The following RAB3IP variants were observed in gnomAD, a reference collection of about 807,000 sequenced individuals.
The protein encoded by RAB3IP is RAB3A interacting protein, also known as rab-3A-interacting protein.
RAB3IP carries 36 observed loss-of-function variants against 59.1 expected under a neutral mutation model. That is an observed-to-expected ratio of 0.61 (90% CI 0.47 to 0.80). The LOEUF (loss-of-function observed/expected upper bound fraction) is 0.80, where lower values mean the gene tolerates loss of function less well. Ranked by LOEUF, RAB3IP falls within the 30% of genes least tolerant of loss-of-function variation. The pLI is 0.00. For synonymous variants in RAB3IP, 207 were observed against 191.2 expected, an observed-to-expected ratio of 1.08 and a Z score of -0.68; for missense variants, 511 against 536.0, an observed-to-expected ratio of 0.95 and a Z score of 0.46.
At chr12:69,795,017 C>T in intron 5 of RAB3IP, 124 bp from the exon 6 acceptor site, 1 of 730,576 alleles carries the variant, frequency 1.4e-6, no homozygotes, top group South Asian at 2.1e-5. Flanking sequence ...TTTATTACTC[C>T]ACAGGAAATA....
intron 1 of RAB3IP, among the ~76,000 whole-genome samples, chr12:69,743,304 CAAT>C (rs1887525700): frequency 6.6e-6 from 1 of 152,064 alleles, no homozygotes; most frequent in African/African-American, 2.4e-5. Context: ...TTTGAAAAAA[CAAT>C]AAGCAAATTT....
chr12:69,754,091 G>T (rs1869777792), intron 1 of RAB3IP, among the ~76,000 whole-genome samples: 1 of 152,088 alleles, frequency 6.6e-6, no homozygotes, highest in African/African-American at 2.4e-5. Flanking sequence ...GGACAAGGGA[G>T]GGGCTAGTGT....
intron 3 of RAB3IP, among the ~76,000 whole-genome samples, chr12:69,784,045 A>C (rs1421992255): frequency 6.6e-6 from 1 of 152,152 alleles, no homozygotes; most frequent in Non-Finnish European, 1.5e-5. Context: ...CCTATGTTTG[A>C]AAGATTAGTT....
intron 1 of RAB3IP, among the ~76,000 whole-genome samples, chr12:69,753,200 G>A (rs1432712245): frequency 2.0e-5 from 3 of 152,172 alleles, no homozygotes; most frequent in Non-Finnish European, 2.9e-5. Flanking sequence ...TACTGAGTCA[G>A]ATCTCTTTCA....
intron 3 of RAB3IP, among the ~76,000 whole-genome samples, chr12:69,782,499 A>G (rs944104605): frequency 6.6e-6 from 1 of 152,220 alleles, no homozygotes; most frequent in Non-Finnish European, 1.5e-5. Flanking sequence ...TTAATAAGAT[A>G]TGATGTTGAT....
intron 4 of RAB3IP, 72 bp from the exon 5 acceptor site, chr12:69,794,364 TA>T: frequency 8.0e-7 from 1 of 1,254,960 alleles, no homozygotes; most frequent in Non-Finnish European, 1.2e-6. Flanking sequence ...GCTTCAATTG[TA>T]AACATTTGGC....
At chr12:69,758,756 CTTTT>C (rs71437121) in intron 3 of RAB3IP, among the ~76,000 whole-genome samples, 18 of 48,228 alleles carry the variant, frequency 3.7e-4, no homozygotes, top group South Asian at 1.2e-3. Context: ...GTGTTCATTC[CTTTT>C]TTTTTTTTTT....
Position 69,755,414 on chromosome 12 carries a change from T to C in RAB3IP, c.6T>C (p.Ala2=). The C allele has an allele frequency of 2.5e-6, 4 of 1,614,132 alleles. No homozygotes were observed. Among genetic ancestry groups the C allele is most frequent in the Non-Finnish European group, 3.4e-6 (4 of 1,179,958 alleles). The change falls in exon 2 of 11, where the codon GCT becomes GCC. Residue 2 remains alanine (A), a synonymous_variant. Transcript: ENST00000247833. ...CTTATGATGAGGCTTTTGCTATGGC[T>C]AATGATCCCTTGGAAGGCTTCCATG... M[A]NDPLEGFHEV...
chr12:69,760,115 C>A (rs937663111), intron 3 of RAB3IP, among the ~76,000 whole-genome samples: 1 of 152,234 alleles, frequency 6.6e-6, no homozygotes, highest in Non-Finnish European at 1.5e-5. Flanking sequence ...AATGAGACTC[C>A]GTCTGCAATC....
chr12:69,806,417 A>G (rs1305192725), intron 8 of RAB3IP, among the ~76,000 whole-genome samples: 2 of 151,832 alleles, frequency 1.3e-5, no homozygotes, highest in Non-Finnish European at 2.9e-5. Context: ...CTAGCGGTCT[A>G]TCAGTTTTGT....
chr12:69,810,878 A>G lies in RAB3IP; in HGVS notation c.1131-1900A>G, dbSNP rs967089813. The stretch of plus-strand genomic sequence containing the variant: ...TGAAATCTTGGGACTAGAGTTATAG[A>G]GATTTATTAATGTAGTGTAGCATGT... On this transcript the variant is annotated intron_variant, in intron 8 of 10. Coordinates refer to ENST00000247833, the MANE Select transcript of RAB3IP (RefSeq NM_022456.5). Among the ~76,000 whole-genome samples, 55 of 152,202 alleles carry G rather than the reference A, an allele frequency of 3.6e-4. 1 individual carries two copies. Among genetic ancestry groups the G allele is most frequent in the African/African-American group, 1.3e-3 (53 of 41,446 alleles).
rs933356684 is a variant in RAB3IP at position 69,822,527 on chromosome 12, G to T, written c.*7081G>T. 2.2e-5 allele frequency: 3 copies of T among 139,070 alleles called. No individual in the cohort carries two copies. Among genetic ancestry groups the T allele is most frequent in the Middle Eastern group, 7.1e-3 (2 of 282 alleles). 8.6% of individuals were successfully genotyped at this position (139,070 alleles called of 1,614,324 possible). ...AACAGGATAGCAGAGGCTGGGAAGG[G>T]TAATGGGGGTTGGGGGGTGGGAGGA... On this transcript the variant is annotated 3_prime_UTR_variant, in exon 11 of 11. Transcript: ENST00000247833.
intron 1 of RAB3IP, among the ~76,000 whole-genome samples, chr12:69,747,944 C>G (rs146009175): frequency 6.6e-6 from 1 of 152,190 alleles, no homozygotes; most frequent in Non-Finnish European, 1.5e-5. Flanking sequence ...CATATTACCT[C>G]CTTTGTTGGA....
At chr12:69,772,650 G>A (rs1873331886) in intron 3 of RAB3IP, among the ~76,000 whole-genome samples, 1 of 152,070 alleles carries the variant, frequency 6.6e-6, no homozygotes, top group South Asian at 2.1e-4. Flanking sequence ...ACTTAATTTT[G>A]ATCTCAAAGA....
chr12:69,746,162 G>T (rs1269936430), intron 1 of RAB3IP, among the ~76,000 whole-genome samples: 1 of 152,158 alleles, frequency 6.6e-6, no homozygotes, highest in Non-Finnish European at 1.5e-5. Flanking sequence ...CTAGTCTCCA[G>T]TGAAGTTCTC....
chr12:69,763,068 G>T (rs1276049626), intron 3 of RAB3IP, among the ~76,000 whole-genome samples: 1 of 152,140 alleles, frequency 6.6e-6, no homozygotes, highest in Non-Finnish European at 1.5e-5. Flanking sequence ...AAGAACTGAG[G>T]GTGCTGGGAA....
intron 3 of RAB3IP, among the ~76,000 whole-genome samples, chr12:69,766,840 T>C (rs1872290588): frequency 6.6e-6 from 1 of 152,194 alleles, no homozygotes; most frequent in African/African-American, 2.4e-5. Flanking sequence ...ACCTCTGATT[T>C]CTTTTGAATA....
intron 3 of RAB3IP, among the ~76,000 whole-genome samples, chr12:69,769,225 A>G (rs1369419368): frequency 6.6e-6 from 1 of 152,198 alleles, no homozygotes; most frequent in African/African-American, 2.4e-5. Context: ...TATCAGCAGC[A>G]TGAAAACAGA....
intron 1 of RAB3IP, among the ~76,000 whole-genome samples, chr12:69,744,327 AAATAT>A (rs1887636610): frequency 6.6e-6 from 1 of 152,170 alleles, no homozygotes; most frequent in Admixed American, 6.5e-5. Flanking sequence ...ATTTGTAATT[AAATAT>A]AATATTAGCT....
Sources: gnomAD v4.1 joint callset for allele counts (sites outside exome capture counted in the v4.1 genomes callset) on GRCh38, gnomAD v4.1.1 for gene constraint, MANE v1.5 for transcripts, NCBI Gene and HGNC (gene_info 2026-07-23, HGNC 2026-07-21) for gene names.